The following ZNF141 variants were observed in gnomAD, a reference collection of about 807,000 sequenced individuals.
ZNF141 encodes zinc finger protein 141 (clone pHZ-44).
ZNF141 carries 7 observed loss-of-function variants against 11.3 expected under a neutral mutation model. The ratio of observed to expected loss-of-function variants is 0.62; its 90% CI spans 0.35 to 1.16. The LOEUF is 1.16. Among genes scored for constraint, ZNF141 ranks in the 50% most tolerant of loss-of-function variants. ZNF141 has a pLI of 0.02. For synonymous variants in ZNF141, 183 were observed against 190.7 expected, an observed-to-expected ratio of 0.96 and a Z score of 0.33; for missense variants, 535 against 554.0, an observed-to-expected ratio of 0.97 and a Z score of 0.34.
intron 3 of ZNF141, among the ~76,000 whole-genome samples, chr4:362,235 T>G (rs1711527748): frequency 6.6e-6 from 1 of 152,248 alleles, no homozygotes; most frequent in Non-Finnish European, 1.5e-5. Context: ...GTTTGATTTC[T>G]TCTTGTAAAT....
intron 3 of ZNF141, among the ~76,000 whole-genome samples, chr4:356,104 G>A (rs1721828136): frequency 6.6e-6 from 1 of 151,618 alleles, no homozygotes; most frequent in Non-Finnish European, 1.5e-5. Flanking sequence ...GGTGGCGGCT[G>A]CCTGTAATCC....
Position 376,035 on chromosome 4 carries a change from A to ATTTTAAAT in ZNF141, c.*2173_*2174insTTTTAAAT, listed in dbSNP as rs1712348782. Among the ~76,000 whole-genome samples, 1 of 152,068 alleles carries ATTTTAAAT rather than the reference A, an allele frequency of 6.6e-6. No homozygotes were observed. The highest frequency in any genetic ancestry group is 1.5e-5 in the Non-Finnish European group (1 of 67,906). ...TTACCAATTATACATTTATGTAATA[A>ATTTTAAAT]GATACAGTAAATTTTAAAATTATTT... On this transcript the variant is annotated 3_prime_UTR_variant, in exon 4 of 4. Transcript: ENST00000240499.
At chr4:341,582 A>G (rs183094631) in intron 1 of ZNF141, among the ~76,000 whole-genome samples, 154 of 152,318 alleles carry the variant, frequency 1.0e-3, no homozygotes, top group African/African-American at 3.5e-3. Flanking sequence ...AATTCTGGGA[A>G]TCAAATTTCT....
Position 381,153 on chromosome 4 carries a change from CA to C in ZNF141, c.*7294del, listed in dbSNP as rs1560204687. On this transcript the variant is annotated 3_prime_UTR_variant, in exon 4 of 4. Coordinates refer to ENST00000240499, the MANE Select transcript of ZNF141 (RefSeq NM_003441.4). ...TTATGACTTTATTACTGTTATAATA[CA>C]AATTTATTTCTTGAGTTAAATATTT... 2.0e-5 allele frequency among the ~76,000 whole-genome samples: 3 copies of C among 151,968 alleles called. No homozygotes were observed. The South Asian group carries it at 6.2e-4, about 31-fold the overall frequency.
In ZNF141 at chr4:370,837, T is replaced by A. The variant is rs28804699; in HGVS notation, c.227-1827T>A. On this transcript the variant is annotated intron_variant, in intron 3 of 3. Coordinates refer to ENST00000240499, the MANE Select transcript of ZNF141 (RefSeq NM_003441.4). The stretch of plus-strand genomic sequence containing the variant: ...GCTCCGCCTCCCAGGTTCACACCAT[T>A]CTCCTGCCTCAGCCTCCCGCATAGC... Among the ~76,000 whole-genome samples, 1,366 of 152,048 alleles carry A rather than the reference T, an allele frequency of 9.0e-3. 17 individuals carry two copies. Among genetic ancestry groups the A allele is most frequent in the African/African-American group, 0.031 (1,301 of 41,488 alleles).
intron 3 of ZNF141, among the ~76,000 whole-genome samples, chr4:357,840 G>A (rs1012655085): frequency 6.6e-6 from 1 of 151,350 alleles, no homozygotes; most frequent in Non-Finnish European, 1.5e-5. Context: ...TGAGTAGCTG[G>A]GACTATAGGC....
Position 344,349 on chromosome 4 carries a change from A to C in ZNF141, c.145A>C (p.Asn49His). 1 of 1,607,996 alleles carries C rather than the reference A, an allele frequency of 6.2e-7. No individual in the cohort carries two copies. Among genetic ancestry groups the C allele is most frequent in the South Asian group, 1.1e-5 (1 of 91,032 alleles). The change falls in exon 3 of 4, where the codon AAC becomes CAC. Residue 49 changes from asparagine (N) to histidine (H), a missense_variant. Transcript: ENST00000240499. ...NLVSLGVAIS[N>H]PDLVTCLEQR... is the part of the protein sequence containing the mutation. The stretch of plus-strand genomic sequence containing the variant: ...AAATAAAACAGGTGTTGCTATCTCT[A>C]ACCCAGACCTGGTCACCTGTCTGGA...
chr4:344,312 T>G, intron 2 of ZNF141, 23 bp from the exon 3 acceptor site: 1 of 1,592,824 alleles, frequency 6.3e-7, no homozygotes, highest in South Asian at 1.1e-5. Context: ...AGTCATGTTA[T>G]TATTTTTTTT....
rs1712299034 is a variant in ZNF141, at chr4:375,097, T to TA, written c.*1236dup. 6.6e-6 allele frequency: 1 copy of TA among 152,128 alleles called. No individual in the cohort carries two copies. Among genetic ancestry groups the TA allele is most frequent in the Non-Finnish European group, 1.5e-5 (1 of 67,986 alleles). 9.4% of individuals were successfully genotyped at this position (152,128 alleles called of 1,614,324 possible). On this transcript the variant is annotated 3_prime_UTR_variant, in exon 4 of 4. Coordinates refer to ENST00000240499, the MANE Select transcript of ZNF141 (RefSeq NM_003441.4). ...GATATCCTTTATATTCGAGAAAAGT[T>TA]ATAGAAATATAAAAAATATAGAAAA...
At chr4:355,739 G>T (rs552907144) in intron 3 of ZNF141, among the ~76,000 whole-genome samples, 1 of 152,050 alleles carries the variant, frequency 6.6e-6, no homozygotes, top group Non-Finnish European at 1.5e-5. Flanking sequence ...ATATTCTAGG[G>T]TTGGTAATTT....
rs781835417 is a variant in ZNF141, at chr4:373,744, C to T, written c.1307C>T (p.Ser436Leu). 19 of 1,613,986 alleles carry T rather than the reference C, an allele frequency of 1.2e-5. No individual in the cohort carries two copies. Among genetic ancestry groups the T allele is most frequent in the East Asian group, 4.5e-5 (2 of 44,900 alleles). ...KECDKAFKQF[S>L]LLSQHKKIHT... ...TGTGACAAAGCCTTTAAACAATTTT[C>T]GCTCCTGAGTCAACATAAGAAAATT... Residue 436 changes from serine (S) to leucine (L), a missense_variant, in exon 4 of 4, where the codon TCG becomes TTG. Coordinates refer to ENST00000240499, the MANE Select transcript of ZNF141 (RefSeq NM_003441.4).
At chr4:360,560 T>C (rs1553851991) in intron 3 of ZNF141, among the ~76,000 whole-genome samples, 1 of 152,206 alleles carries the variant, frequency 6.6e-6, no homozygotes, top group African/African-American at 2.4e-5. Flanking sequence ...TTTTCAACTG[T>C]ATTTTACTGG....
intron 3 of ZNF141, among the ~76,000 whole-genome samples, chr4:350,512 C>A (rs531103704): frequency 6.6e-6 from 1 of 152,206 alleles, no homozygotes; most frequent in Non-Finnish European, 1.5e-5. Flanking sequence ...TAAAATCTTT[C>A]ATTCATTGAA....
intron 3 of ZNF141, among the ~76,000 whole-genome samples, chr4:364,120 G>A (rs1162133882): frequency 7.9e-5 from 12 of 152,260 alleles, no homozygotes; most frequent in Non-Finnish European, 1.6e-4. Context: ...TTTTCACATC[G>A]ATGTTCCTCA....
intron 3 of ZNF141, among the ~76,000 whole-genome samples, chr4:357,337 T>C (rs143361907): frequency 0.014 from 2,124 of 152,062 alleles, 17 homozygotes; most frequent in Middle Eastern, 0.031. Flanking sequence ...TCCTGCTATA[T>C]TGACCCAGGA....
In ZNF141 at chr4:367,127, C is replaced by T. The variant is rs544015863; in HGVS notation, c.227-5537C>T. Among the ~76,000 whole-genome samples, 249 of 151,704 alleles carry T rather than the reference C, an allele frequency of 1.6e-3. 1 individual carries two copies. The highest frequency in any genetic ancestry group is 0.01 in the Middle Eastern group (3 of 294). ...ATACTGGATAGGAAAGAGCAGAAATCTTCTTTTTTTGAGATCTGGAACAGG... is the reference window on the plus strand; with the variant it reads ...ATACTGGATAGGAAAGAGCAGAAATTTTCTTTTTTTGAGATCTGGAACAGG... On this transcript the variant is annotated intron_variant, in intron 3 of 3. Transcript: ENST00000240499.
At chr4:352,253 G>A (rs1236613956) in intron 3 of ZNF141, among the ~76,000 whole-genome samples, 1 of 152,168 alleles carries the variant, frequency 6.6e-6, no homozygotes, top group Non-Finnish European at 1.5e-5. Flanking sequence ...CGGGCGTGGT[G>A]GTGGGCACCT....
chr4:366,676 TTTTA>T (rs869142984), intron 3 of ZNF141, among the ~76,000 whole-genome samples: 1 of 149,194 alleles, frequency 6.7e-6, no homozygotes, highest in African/African-American at 2.4e-5. Flanking sequence ...ACATATTTTA[TTTTA>T]TTTATTTAAT....
chr4:355,321 T>C (rs1721791888), intron 3 of ZNF141, among the ~76,000 whole-genome samples: 1 of 152,108 alleles, frequency 6.6e-6, no homozygotes, highest in Non-Finnish European at 1.5e-5. Context: ...TTCACCTGCC[T>C]CAGCCTCCCT....
Sources: allele counts gnomAD v4.1 joint callset (sites outside exome capture counted in the v4.1 genomes callset), GRCh38; gene constraint gnomAD v4.1.1; transcripts MANE v1.5; gene names NCBI Gene and HGNC (gene_info 2026-07-23, HGNC 2026-07-21).